The following GRIK3 variants were observed in gnomAD, a reference collection of about 807,000 sequenced individuals.
GRIK3 encodes the protein glutamate ionotropic receptor kainate type subunit 3.
Under a neutral mutation model 102.5 loss-of-function variants are expected in GRIK3, and 29 were observed. The ratio of observed to expected loss-of-function variants is 0.28; its 90% CI spans 0.21 to 0.39. The LOEUF (loss-of-function observed/expected upper bound fraction) is 0.39. Ranked by LOEUF, GRIK3 falls within the 10% of genes least tolerant of loss-of-function variation. GRIK3 has a pLI of 1.00. For synonymous variants in GRIK3, 511 were observed against 504.9 expected (o/e 1.01, Z -0.16); for missense variants, 908 against 1,252.4 (o/e 0.73, Z 4.15).
Position 36,878,147 on chromosome 1 carries a change from C to T in GRIK3, c.550+2487G>A, listed in dbSNP as rs117779599. Among the ~76,000 whole-genome samples the T allele has an allele frequency of 2.5e-4, 38 of 152,320 alleles. No individual in the cohort carries two copies. In the East Asian group the frequency reaches 4.6e-3, roughly 19 times the overall value. On this transcript the variant is annotated intron_variant, in intron 3 of 15. Transcript: ENST00000373091. ...CACTGTACCAGACCCTGTGTTAAAT[C>T]CTGGAGACACTGAAAGCTCCTGGCC...
chr1:36,927,338 T>G (rs1336940744), intron 1 of GRIK3, among the ~76,000 whole-genome samples: 2 of 152,230 alleles, frequency 1.3e-5, no homozygotes, highest in Non-Finnish European at 2.9e-5. Flanking sequence ...ATGCATTGAA[T>G]AGCAAATGCA....
intron 2 of GRIK3, among the ~76,000 whole-genome samples, chr1:36,890,576 T>C (rs1312277828): frequency 6.6e-6 from 1 of 152,106 alleles, no homozygotes; most frequent in East Asian, 1.9e-4. Flanking sequence ...GTCTCTGACC[T>C]GGTGGCTCAG....
chr1:36,903,553 AT>A (rs1641253660), intron 1 of GRIK3, among the ~76,000 whole-genome samples: 1 of 152,256 alleles, frequency 6.6e-6, no homozygotes, highest in Non-Finnish European at 1.5e-5. Flanking sequence ...TTGCCCAAAC[AT>A]GGGAGAAATC....
At chr1:36,983,048 A>G (rs1391832651) in intron 1 of GRIK3, among the ~76,000 whole-genome samples, 1 of 152,088 alleles carries the variant, frequency 6.6e-6, no homozygotes, top group African/African-American at 2.4e-5. Context: ...TTGCACACAC[A>G]TGGGCTCTCT....
At position 36,876,651 on chromosome 1, in the gene GRIK3, C is replaced by T. The variant is rs955720498; in HGVS notation, c.550+3983G>A. The stretch of plus-strand genomic sequence containing the variant: ...TGATGGACACAATCTCCAAAGCAAA[C>T]ACAGCCAAAGCCCACTGTGGAGTAT... On this transcript the variant is annotated intron_variant, in intron 3 of 15. Transcript: ENST00000373091. Among the ~76,000 whole-genome samples, 23 of 152,202 alleles carry T rather than the reference C, an allele frequency of 1.5e-4. 1 individual carries two copies. The highest frequency in any genetic ancestry group is 5.3e-4 in the African/African-American group (22 of 41,450).
chr1:36,928,721 A>C (rs1641556298), intron 1 of GRIK3, among the ~76,000 whole-genome samples: 1 of 152,164 alleles, frequency 6.6e-6, no homozygotes, highest in African/African-American at 2.4e-5. Context: ...AAGAAAAAAA[A>C]ATCCCCCCAA....
At chr1:36,892,008 T>TTTTATTTATTTATTTA (rs541642218) in intron 1 of GRIK3, among the ~76,000 whole-genome samples, 5 of 151,998 alleles carry the variant, frequency 3.3e-5, no homozygotes, top group African/African-American at 9.7e-5. Flanking sequence ...GCAGTTCCAG[T>TTTTATTTATTTATTTA]TTTATTTATT....
rs374063162 is a variant in GRIK3 at position 36,850,630 on chromosome 1, C to A, written c.1213-206G>T. ...CTCCCTCCTCTCCTGACGAGGGTCC[C>A]AGGGTGTCGAATCTCTGAATTCTGC... On this transcript the variant is annotated intron_variant, in intron 8 of 15. Coordinates refer to ENST00000373091, the MANE Select transcript of GRIK3 (RefSeq NM_000831.4). The surrounding 1 kb of genome is among the most constrained non-coding windows in gnomAD (Gnocchi z 4.0). 1.3e-5 allele frequency among the ~76,000 whole-genome samples: 2 copies of A among 152,230 alleles called. No individual in the cohort carries two copies. The highest frequency in any genetic ancestry group is 4.8e-5 in the African/African-American group (2 of 41,444).
chr1:37,003,021 G>GTT (rs68098848), intron 1 of GRIK3, among the ~76,000 whole-genome samples: 30 of 110,994 alleles, frequency 2.7e-4, no homozygotes, highest in African/African-American at 8.6e-4. Flanking sequence ...AAAAGCTGTT[G>GTT]TTTTTTTTTT....
At position 36,880,723 on chromosome 1, in the gene GRIK3, G is replaced by A. The variant is rs1228177910; in HGVS notation, c.461C>T (p.Pro154Leu). 6.2e-7 allele frequency: 1 copy of A among 1,614,152 alleles called. No homozygotes were observed. Among genetic ancestry groups the A allele is most frequent in the Non-Finnish European group, 8.5e-7 (1 of 1,179,974 alleles). ...GGCATGGCTGAGCGAGGCGTAGTCGGGGTAGAGGTTCACGTAGAAGGTGTC... is the reference window on the plus strand; with the variant it reads ...GGCATGGCTGAGCGAGGCGTAGTCGAGGTAGAGGTTCACGTAGAAGGTGTC... ...NKDTFYVNLYPDYASLSHAIL... is the reference protein window; with the variant it reads ...NKDTFYVNLYLDYASLSHAIL... The change falls in exon 3 of 16, where the codon CCC becomes CTC. Residue 154 changes from proline (P) to leucine (L), a missense_variant. Physicochemically the swap from Pro to Leu is moderately conservative, Grantham distance 98. Transcript: ENST00000373091. The surrounding 1 kb of genome is among the most constrained non-coding windows in gnomAD (Gnocchi z 5.4).
At position 37,015,887 on chromosome 1, in the gene GRIK3, C is replaced by G. The variant is rs372215412; in HGVS notation, c.115+18107G>C. ...GAGGACTACAGGGAGCGAACAAGGA[C>G]AGAGGTTGTTAAAATGCTCCTGCCA... On this transcript the variant is annotated intron_variant, in intron 1 of 15. Transcript: ENST00000373091. Among the ~76,000 whole-genome samples, 8 of 152,366 alleles carry G rather than the reference C, an allele frequency of 5.3e-5. No individual in the cohort carries two copies. In the South Asian group the frequency reaches 1.2e-3, roughly 24 times the overall value.
chr1:36,908,283 G>T (rs968005848), intron 1 of GRIK3, among the ~76,000 whole-genome samples: 1 of 152,212 alleles, frequency 6.6e-6, no homozygotes, highest in Admixed American at 6.5e-5. Flanking sequence ...ATTACTGGGG[G>T]GCAGTGTCAA....
At chr1:36,879,337 A>G (rs1640941252) in intron 3 of GRIK3, among the ~76,000 whole-genome samples, 1 of 152,100 alleles carries the variant, frequency 6.6e-6, no homozygotes, top group Non-Finnish European at 1.5e-5. Flanking sequence ...CTACAAAAAA[A>G]TACAAAATTA....
rs1244666031 is a variant in GRIK3, at chr1:36,850,859, T to G, written c.1213-435A>C. On this transcript the variant is annotated intron_variant, in intron 8 of 15. Coordinates refer to ENST00000373091, the MANE Select transcript of GRIK3 (RefSeq NM_000831.4). The surrounding 1 kb of genome is among the most constrained non-coding windows in gnomAD (Gnocchi z 4.0). Reference sequence around the variant, plus strand: ...TTGGGGTGGCAGCACAAGGAGGGGATGGACCTCACTGGGAAATGCTGCTGG... The same window carrying G: ...TTGGGGTGGCAGCACAAGGAGGGGAGGGACCTCACTGGGAAATGCTGCTGG... 2.6e-5 allele frequency among the ~76,000 whole-genome samples: 4 copies of G among 152,210 alleles called. No individual in the cohort carries two copies. The highest frequency in any genetic ancestry group is 9.6e-5 in the African/African-American group (4 of 41,456).
At chr1:36,917,247 C>A (rs188245789) in intron 1 of GRIK3, among the ~76,000 whole-genome samples, 7 of 152,268 alleles carry the variant, frequency 4.6e-5, no homozygotes, top group African/African-American at 1.7e-4. Context: ...GCCTGTAATG[C>A]CATTTTATCG....
At chr1:36,805,486 C>G (rs1642489045) in intron 14 of GRIK3, among the ~76,000 whole-genome samples, 1 of 152,220 alleles carries the variant, frequency 6.6e-6, no homozygotes. Flanking sequence ...CCCAGTGCCC[C>G]TGAGCTGCAT....
At chr1:36,875,424 T>C (rs1000501637) in intron 3 of GRIK3, among the ~76,000 whole-genome samples, 1 of 152,248 alleles carries the variant, frequency 6.6e-6, no homozygotes, top group Admixed American at 6.5e-5. Context: ...CCTCTCCTTA[T>C]AACCACACCC....
chr1:36,921,995 G>A (rs1361527599), intron 1 of GRIK3, among the ~76,000 whole-genome samples: 2 of 152,152 alleles, frequency 1.3e-5, no homozygotes, highest in Admixed American at 1.3e-4. Context: ...AGAGGCATTT[G>A]TTTTGCTTTT....
At chr1:36,964,165 G>A (rs1642056343) in intron 1 of GRIK3, among the ~76,000 whole-genome samples, 1 of 152,226 alleles carries the variant, frequency 6.6e-6, no homozygotes, top group African/African-American at 2.4e-5. Flanking sequence ...ACAGCTGGGC[G>A]AGGTCTGGCA....
Sources: gnomAD v4.1 joint callset for allele counts (sites outside exome capture counted in the v4.1 genomes callset) on GRCh38, gnomAD v4.1.1 for gene constraint, Gnocchi (gnomAD v3.1) non-coding constraint, MANE v1.5 for transcripts, NCBI Gene and HGNC (gene_info 2026-07-23, HGNC 2026-07-21) for gene names.